The following CA1 variants were observed in gnomAD, a reference collection of about 807,000 sequenced individuals.
CA1 encodes the protein carbonate dehydratase I.
CA1 carries 27 observed loss-of-function variants against 28.8 expected under a neutral mutation model. The ratio of observed to expected loss-of-function variants is 0.94; its 90% CI spans 0.69 to 1.29. The LOEUF is 1.29. Among genes scored for constraint, CA1 ranks in the 50% most tolerant of loss-of-function variants. CA1 has a pLI of 0.00. For synonymous variants in CA1, 121 were observed against 108.8 expected (o/e 1.11, Z -0.70); for missense variants, 335 against 310.5 (o/e 1.08, Z -0.59).
chr8:85,349,154 T>G (rs1452475390), intron 1 of CA1, among the ~76,000 whole-genome samples: 2 of 152,222 alleles, frequency 1.3e-5, no homozygotes. Flanking sequence ...AAGAAAGAAA[T>G]AGAAATAGTT....
chr8:85,359,798 G>A (rs530291984), intron 1 of CA1, among the ~76,000 whole-genome samples: 17 of 152,272 alleles, frequency 1.1e-4, no homozygotes, highest in African/African-American at 3.9e-4. Flanking sequence ...TAAAAATGTG[G>A]GCATGTATCT....
At chr8:85,349,097 T>C (rs1369496808) in intron 1 of CA1, among the ~76,000 whole-genome samples, 1 of 152,190 alleles carries the variant, frequency 6.6e-6, no homozygotes, top group Non-Finnish European at 1.5e-5. Context: ...TTTTAAAAAA[T>C]CTTTTTATTT....
At chr8:85,359,348 A>T (rs935970152) in intron 1 of CA1, among the ~76,000 whole-genome samples, 1 of 152,196 alleles carries the variant, frequency 6.6e-6, no homozygotes, top group African/African-American at 2.4e-5. Context: ...AAGAATTAAC[A>T]TGGTGGGTTT....
At chr8:85,356,932 C>T (rs1486325293) in intron 1 of CA1, among the ~76,000 whole-genome samples, 1 of 152,184 alleles carries the variant, frequency 6.6e-6, no homozygotes, top group Non-Finnish European at 1.5e-5. Flanking sequence ...CCCAGTTGCA[C>T]ACCTGAAAAC....
At chr8:85,344,203 TATATAATATAATTATATTATATACA>T in intron 1 of CA1, among the ~76,000 whole-genome samples, 1 of 111,714 alleles carries the variant, frequency 9.0e-6, no homozygotes, top group African/African-American at 5.0e-5. Context: ...TATTATACAG[TATATAATATAATTATATTATATACA>T]GTATATAATA....
intron 1 of CA1, among the ~76,000 whole-genome samples, chr8:85,357,456 G>A (rs1285856206): frequency 3.9e-5 from 6 of 152,166 alleles, no homozygotes; most frequent in Admixed American, 2.6e-4. Context: ...CAGGATTGTG[G>A]CGAGGGTTAA....
At chr8:85,372,416 T>C (rs935872099) in intron 1 of CA1, among the ~76,000 whole-genome samples, 1 of 152,180 alleles carries the variant, frequency 6.6e-6, no homozygotes, top group African/African-American at 2.4e-5. Flanking sequence ...GTATGGTGAT[T>C]CCTCAAAGAA....
chr8:85,360,006 G>T (rs1809734917), intron 1 of CA1, among the ~76,000 whole-genome samples: 1 of 152,176 alleles, frequency 6.6e-6, no homozygotes, highest in Non-Finnish European at 1.5e-5. Flanking sequence ...TCTGGTTGTA[G>T]CATTTGGTTA....
intron 1 of CA1, among the ~76,000 whole-genome samples, chr8:85,361,277 A>G (rs1809785162): frequency 6.6e-6 from 1 of 152,214 alleles, no homozygotes; most frequent in Non-Finnish European, 1.5e-5. Flanking sequence ...GGACTCCTCC[A>G]AATCATCAAA....
At chr8:85,333,725 A>C (rs1808512442) in intron 4 of CA1, 105 bp from the exon 5 acceptor site, 1 of 737,234 alleles carries the variant, frequency 1.4e-6, no homozygotes, top group Non-Finnish European at 2.4e-6. Context: ...TGGCTTAGAT[A>C]CATAAAACTT....
intron 4 of CA1, among the ~76,000 whole-genome samples, chr8:85,335,358 G>T (rs1585918576): frequency 6.6e-6 from 1 of 152,242 alleles, no homozygotes; most frequent in East Asian, 1.9e-4. Flanking sequence ...AGTGTGCTCT[G>T]TATGGGTTAA....
chr8:85,331,530 C>T (rs891362690), intron 6 of CA1, among the ~76,000 whole-genome samples: 2 of 152,066 alleles, frequency 1.3e-5, no homozygotes, highest in Non-Finnish European at 2.9e-5. Flanking sequence ...AATCTCGGCT[C>T]ACTGCAACCT....
intron 1 of CA1, among the ~76,000 whole-genome samples, chr8:85,344,400 A>G (rs1809095847): frequency 6.8e-6 from 1 of 146,974 alleles, no homozygotes. Context: ...ATTAATTTCT[A>G]AATTAAATGG....
At chr8:85,352,379 A>G (rs1168136194) in intron 1 of CA1, among the ~76,000 whole-genome samples, 1 of 152,148 alleles carries the variant, frequency 6.6e-6, no homozygotes, top group East Asian at 1.9e-4. Flanking sequence ...GAGGGGGCAT[A>G]CCTTAGTAAC....
At chr8:85,371,474 C>A (rs1231466102) in intron 1 of CA1, among the ~76,000 whole-genome samples, 1 of 152,066 alleles carries the variant, frequency 6.6e-6, no homozygotes, top group African/African-American at 2.4e-5. Flanking sequence ...AATCCTAAGG[C>A]AACCCCCAAA....
intron 1 of CA1, among the ~76,000 whole-genome samples, chr8:85,376,823 C>T (rs191196300): frequency 6.6e-6 from 1 of 152,134 alleles, no homozygotes; most frequent in African/African-American, 2.4e-5. Context: ...TGTAGAGGCA[C>T]CCTGGGCATG....
chr8:85,328,739 C>T, intron 7 of CA1, 63 bp from the exon 8 acceptor site: 1 of 1,006,070 alleles, frequency 9.9e-7, no homozygotes. Flanking sequence ...GTTTTATTTA[C>T]AGGATTACTA....
intron 1 of CA1, among the ~76,000 whole-genome samples, chr8:85,348,674 T>G (rs1809293620): frequency 6.6e-6 from 1 of 152,236 alleles, no homozygotes; most frequent in Admixed American, 6.5e-5. Context: ...GTTTCACAGT[T>G]ATTTTTAAGA....
Position 85,345,176 on chromosome 8 carries a change from G to A in CA1, c.-24-3517C>T, listed in dbSNP as rs1809129092. ...TCATCACCTGTAACAAAGCTGTGTT[G>A]GTAACTTTATTCCTTCCAATGTTTG... On this transcript the variant is annotated intron_variant, in intron 1 of 7. Coordinates refer to ENST00000523022, the MANE Select transcript of CA1 (RefSeq NM_001128831.4). Among the ~76,000 whole-genome samples, 4 of 152,072 alleles carry A rather than the reference G, an allele frequency of 2.6e-5. No individual in the cohort carries two copies. The South Asian group carries it at 8.3e-4, about 32-fold the overall frequency.
Sources: allele counts gnomAD v4.1 joint callset (sites outside exome capture counted in the v4.1 genomes callset), GRCh38; gene constraint gnomAD v4.1.1; transcripts MANE v1.5; gene names NCBI Gene and HGNC (gene_info 2026-07-23, HGNC 2026-07-21).